The following SUGCT variants were observed in gnomAD, a reference collection of about 807,000 sequenced individuals.
The protein encoded by SUGCT is succinyl-CoA:glutarate CoA-transferase.
A neutral mutation model predicts 55.0 loss-of-function variants in SUGCT; 41 were observed. The observed-to-expected ratio is 0.74, with a 90% CI of 0.58 to 0.97. The LOEUF is 0.97. Ranked by LOEUF, SUGCT falls within the 50% of genes least tolerant of loss-of-function variation. The probability of loss-of-function intolerance (pLI) is 0.00; values close to 1 mark genes in which losing one functional copy is unlikely to be tolerated. For synonymous variants in SUGCT, 187 were observed against 200.4 expected, an observed-to-expected ratio of 0.93 and a Z score of 0.56; for missense variants, 568 against 547.8, an observed-to-expected ratio of 1.04 and a Z score of -0.37.
chr7:40,172,233 T>G (rs1784712441), intron 1 of SUGCT, among the ~76,000 whole-genome samples: 1 of 152,050 alleles, frequency 6.6e-6, no homozygotes, highest in African/African-American at 2.4e-5. Flanking sequence ...TGTATTGCAG[T>G]GGGGGAAGCT....
At chr7:40,274,118 A>T (rs1337281946) in intron 7 of SUGCT, among the ~76,000 whole-genome samples, 4 of 102,942 alleles carry the variant, frequency 3.9e-5, no homozygotes, top group African/African-American at 1.5e-4. Context: ...CCTCTCACCC[A>T]ATAGGAGAAA....
At chr7:40,990,284 T>A in the SUGCT span, among the ~76,000 whole-genome samples, 1 of 152,240 alleles carries the variant, frequency 6.6e-6, no homozygotes, top group Non-Finnish European at 1.5e-5. Context: ...TTATGAGCAG[T>A]AACATTTTAT....
chr7:40,796,573 G>A (rs1256804532), intron 13 of SUGCT, among the ~76,000 whole-genome samples: 1 of 152,182 alleles, frequency 6.6e-6, no homozygotes, highest in African/African-American at 2.4e-5. Flanking sequence ...CGAAAGCTAG[G>A]AGGCAGCTTC....
chr7:40,529,839 A>G (rs1793993403), intron 12 of SUGCT, among the ~76,000 whole-genome samples: 1 of 152,206 alleles, frequency 6.6e-6, no homozygotes, highest in South Asian at 2.1e-4. Context: ...TAATAAATGA[A>G]TTGTAGAAAA....
intron 8 of SUGCT, among the ~76,000 whole-genome samples, chr7:40,305,635 G>T (rs1041559500): frequency 9.2e-5 from 14 of 152,058 alleles, no homozygotes; most frequent in African/African-American, 3.1e-4. Context: ...CTTTTCTCTT[G>T]TATATGTAGA....
At chr7:40,838,075 A>G (rs766695035) in intron 13 of SUGCT, among the ~76,000 whole-genome samples, 3 of 152,066 alleles carry the variant, frequency 2.0e-5, no homozygotes, top group East Asian at 1.9e-4. Flanking sequence ...TTGTGAGTCT[A>G]TTTCTGGACT....
chr7:40,779,854 G>C (rs1789644862), intron 13 of SUGCT, among the ~76,000 whole-genome samples: 1 of 152,234 alleles, frequency 6.6e-6, no homozygotes, highest in South Asian at 2.1e-4. Flanking sequence ...AGTGGCTTGG[G>C]GATAGACGAC....
intron 12 of SUGCT, among the ~76,000 whole-genome samples, chr7:40,647,755 G>A (rs532488987): frequency 6.6e-6 from 1 of 152,044 alleles, no homozygotes; most frequent in African/African-American, 2.4e-5. Context: ...GTAGGCTGAG[G>A]CAGGAGAATC....
chr7:40,899,220 C>T, the SUGCT span, among the ~76,000 whole-genome samples: 1 of 152,286 alleles, frequency 6.6e-6, no homozygotes, highest in East Asian at 1.9e-4. Context: ...GCATCTCTGG[C>T]CGCCCGCCCT....
intron 8 of SUGCT, among the ~76,000 whole-genome samples, chr7:40,278,880 G>A (rs893383687): frequency 6.6e-6 from 1 of 150,574 alleles, no homozygotes; most frequent in South Asian, 2.1e-4. Flanking sequence ...AGGTTGGAAT[G>A]CAGTGGTGCA....
At chr7:40,477,037 C>T (rs1288702597) in intron 11 of SUGCT, among the ~76,000 whole-genome samples, 1 of 152,048 alleles carries the variant, frequency 6.6e-6, no homozygotes, top group Non-Finnish European at 1.5e-5. Context: ...AATGAGAGCA[C>T]TCATCTTAGC....
intron 6 of SUGCT, among the ~76,000 whole-genome samples, chr7:40,227,493 T>C (rs1224996341): frequency 6.6e-6 from 1 of 152,128 alleles, no homozygotes; most frequent in Non-Finnish European, 1.5e-5. Context: ...GCCTCCCCAG[T>C]AGCTAGGACT....
intron 13 of SUGCT, among the ~76,000 whole-genome samples, chr7:40,780,721 G>C (rs972324627): frequency 1.3e-5 from 2 of 150,650 alleles, no homozygotes; most frequent in Admixed American, 1.3e-4. Context: ...AAATTGGCAG[G>C]ACTTGGAGTT....
At chr7:40,321,222 A>G (rs12216598) in intron 9 of SUGCT, among the ~76,000 whole-genome samples, 19,999 of 150,252 alleles carry the variant, frequency 0.13, 1,649 homozygotes, top group Non-Finnish European at 0.19. Flanking sequence ...ATTACAGGCA[A>G]ACGCCATCAC....
chr7:40,563,916 C>T (rs1165772849), intron 12 of SUGCT, among the ~76,000 whole-genome samples: 2 of 151,808 alleles, frequency 1.3e-5, no homozygotes, highest in Admixed American at 1.3e-4. Context: ...AAAAGTAGTC[C>T]CCCAGAGATG....
chr7:40,880,781 A>G, the SUGCT span, among the ~76,000 whole-genome samples: 1 of 152,326 alleles, frequency 6.6e-6, no homozygotes, highest in South Asian at 2.1e-4. Flanking sequence ...CATGACAGGA[A>G]AAAGGAGTAC....
chr7:40,867,541 T>A, the SUGCT span, among the ~76,000 whole-genome samples: 1 of 152,178 alleles, frequency 6.6e-6, no homozygotes, highest in Non-Finnish European at 1.5e-5. Flanking sequence ...GTAGGAGTTT[T>A]AAAAATTGTA....
intron 9 of SUGCT, among the ~76,000 whole-genome samples, chr7:40,439,311 C>T (rs1562777816): frequency 6.6e-6 from 1 of 151,596 alleles, no homozygotes; most frequent in African/African-American, 2.4e-5. Context: ...ACTACTCCTA[C>T]ACCTCATCAG....
chr7:40,438,195 T>C (rs1788278153), intron 9 of SUGCT, among the ~76,000 whole-genome samples: 1 of 152,158 alleles, frequency 6.6e-6, no homozygotes, highest in Non-Finnish European at 1.5e-5. Flanking sequence ...TCAATTGACC[T>C]TCTCAATTCC....
Sources: gnomAD v4.1 joint callset for allele counts (sites outside exome capture counted in the v4.1 genomes callset) on GRCh38, gnomAD v4.1.1 for gene constraint, MANE v1.5 for transcripts, NCBI Gene and HGNC (gene_info 2026-07-23, HGNC 2026-07-21) for gene names.